Variants in ISG20 observed in about 807,000 individuals in gnomAD.
The protein encoded by ISG20 is interferon stimulated exonuclease gene 20.
Under a neutral mutation model 11.1 loss-of-function variants are expected in ISG20, and 8 were observed. That is an observed-to-expected ratio of 0.72 (90% confidence interval 0.42 to 1.30). ISG20 has a LOEUF of 1.30. Ranked by LOEUF, ISG20 falls within the 50% of genes most tolerant of loss-of-function variation. The probability of loss-of-function intolerance (pLI) is 0.01; values close to 1 mark genes in which losing one functional copy is unlikely to be tolerated. For missense variants in ISG20, 243 were observed against 250.2 expected, an observed-to-expected ratio of 0.97 and a Z score of 0.19; for synonymous variants, 110 against 101.7, an observed-to-expected ratio of 1.08 and a Z score of -0.49.
At position 88,652,325 on chromosome 15, in the gene ISG20, G is replaced by GTCCTTCTCC; in HGVS notation, c.429+20_429+28dup. The stretch of plus-strand genomic sequence containing the variant: ...AGAGCATCCAGGTGAGAACCTCCTC[G>GTCCTTCTCC]TCCTTCTCCTCCTCCCCCCTCCTCC... On this transcript the variant is annotated intron_variant, in intron 3 of 3. Coordinates refer to ENST00000306072, the MANE Select transcript of ISG20 (RefSeq NM_002201.6). 1 of 1,595,244 alleles carries GTCCTTCTCC rather than the reference G, an allele frequency of 6.3e-7. No individual in the cohort carries two copies.
intron 3 of ISG20, among the ~76,000 whole-genome samples, chr15:88,654,902 A>T (rs1158800462): frequency 6.6e-6 from 1 of 151,972 alleles, no homozygotes; most frequent in Non-Finnish European, 1.5e-5. Flanking sequence ...CCGTCCCCAC[A>T]CCACCTTTCA....
chr15:88,647,588 C>T lies in ISG20; in HGVS notation c.229-4522C>T, dbSNP rs570224409. On this transcript the variant is annotated intron_variant, in intron 2 of 3. Coordinates refer to ENST00000306072, the MANE Select transcript of ISG20 (RefSeq NM_002201.6). ...CAGGAGGGAATCCATGCACTGGAGA[C>T]TGGCGTCCAGAGAGGGGCAGTGATT... The T allele has an allele frequency of 2.0e-5, 3 of 152,360 alleles. No homozygotes were observed. The East Asian group carries it at 5.8e-4, about 29-fold the overall frequency. The allele number at this position is 152,360 out of a possible 1,614,324, so 9.4% of individuals were successfully genotyped here.
Position 88,650,124 on chromosome 15 carries a change from G to A in ISG20, c.229-1986G>A. 5 of 864,824 alleles carry A rather than the reference G, an allele frequency of 5.8e-6. No homozygotes were observed. Among genetic ancestry groups the A allele is most frequent in the Non-Finnish European group, 9.3e-6 (5 of 536,832 alleles). The allele number at this position is 864,824 out of a possible 1,614,324, so 53.6% of individuals were successfully genotyped here. ...CCTGGTGTACAGGCTAAGGTCGTGG[G>A]CTACATGCAGAGAAGGAGACGAAGG... On this transcript the variant is annotated intron_variant, in intron 2 of 3. Transcript: ENST00000306072. This position sits in a 1 kb window ranked among gnomAD's most constrained non-coding sequence, Gnocchi z 4.0.
intron 2 of ISG20, chr15:88,651,401 G>C (rs1430934522): frequency 1.6e-6 from 1 of 626,778 alleles, no homozygotes; most frequent in African/African-American, 2.0e-5. Context: ...GGTCTCACTG[G>C]TCTAAAATCA....
chr15:88,638,280 C>T (rs1433932479), upstream of ISG20, among the ~76,000 whole-genome samples: 3 of 152,218 alleles, frequency 2.0e-5, no homozygotes, highest in Non-Finnish European at 4.4e-5. Context: ...CCAGTTGTAA[C>T]TCATTTGACA....
chr15:88,653,393 C>T (rs1051780901), intron 3 of ISG20, among the ~76,000 whole-genome samples: 1 of 152,106 alleles, frequency 6.6e-6, no homozygotes, highest in East Asian at 1.9e-4. Context: ...TGAGTCAAAG[C>T]CTGAGGCTCG....
At chr15:88,655,393 C>T in intron 3 of ISG20, 22 bp from the exon 4 acceptor site, 1 of 1,605,962 alleles carries the variant, frequency 6.2e-7, no homozygotes. Flanking sequence ...CCCAAGTCCC[C>T]ACTCTATACT....
intron 2 of ISG20, among the ~76,000 whole-genome samples, chr15:88,646,623 CA>C (rs1283427718): frequency 6.6e-6 from 1 of 152,160 alleles, no homozygotes; most frequent in Non-Finnish European, 1.5e-5. Context: ...GTTTTAATCC[CA>C]AAGACAGATC....
In ISG20 at chr15:88,639,426, C is replaced by G. The variant is rs1484024218; in HGVS notation, c.60C>G (p.His20Gln). The change falls in exon 2 of 4, where the codon CAC becomes CAG. Residue 20 changes from histidine to glutamine, a missense_variant. By Grantham distance (24) the His-to-Gln change is conservative (BLOSUM62 0). Transcript: ENST00000306072. The surrounding 1 kb of genome is among the most constrained non-coding windows in gnomAD (Gnocchi z 4.2). ...MDCEMVGLGP[H>Q]RESGLARCSL... ...GCGAGATGGTGGGGCTGGGGCCCCA[C>G]CGGGAGAGTGGCCTGGCTCGTTGCA... The G allele has an allele frequency of 6.2e-7, 1 of 1,613,984 alleles. No individual in the cohort carries two copies. Among genetic ancestry groups the G allele is most frequent in the African/African-American group, 1.3e-5 (1 of 75,056 alleles).
intron 2 of ISG20, among the ~76,000 whole-genome samples, chr15:88,642,174 C>A (rs1367003016): frequency 6.6e-6 from 1 of 151,908 alleles, no homozygotes; most frequent in East Asian, 1.9e-4. Context: ...GGTGATCTGC[C>A]CTCCTTGGCC....
At chr15:88,640,372 T>C (rs2058059597) in intron 2 of ISG20, among the ~76,000 whole-genome samples, 1 of 152,140 alleles carries the variant, frequency 6.6e-6, no homozygotes, top group South Asian at 2.1e-4. Flanking sequence ...ATAGCTACTA[T>C]TGACTGAGCA....
chr15:88,637,367 C>G (rs1469666032), upstream of ISG20: 1 of 138,066 alleles, frequency 7.2e-6, no homozygotes, highest in Non-Finnish European at 1.5e-5. Flanking sequence ...ATCAGGAAAT[C>G]ACAAAATTTC....
At position 88,654,916 on chromosome 15, in the gene ISG20, A is replaced by C. The variant is rs185014541; in HGVS notation, c.430-499A>C. 3.3e-4 allele frequency among the ~76,000 whole-genome samples: 50 copies of C among 151,128 alleles called. No individual in the cohort carries two copies. In the East Asian group the frequency reaches 7.9e-3, roughly 24 times the overall value. The stretch of plus-strand genomic sequence containing the variant: ...TCCGTCCCCACACCACCTTTCACAC[A>C]CCCCCTGCCCCCACCCTCGCAGGCC... On this transcript the variant is annotated intron_variant, in intron 3 of 3. Coordinates refer to ENST00000306072, the MANE Select transcript of ISG20 (RefSeq NM_002201.6).
At chr15:88,651,647 C>G (rs117248768) in intron 2 of ISG20, 2 of 354,860 alleles carry the variant, frequency 5.6e-6, no homozygotes, top group Non-Finnish European at 8.1e-6. Flanking sequence ...ATTTGAAGGT[C>G]GACTGATTAG....
chr15:88,650,514 T>C lies in ISG20; in HGVS notation c.229-1596T>C. Reference sequence around the variant, plus strand: ...ACTGTCCCAGTTATCAAATGGTGCTTGGCAAATCACACCAAAACTTACCGG... The same window carrying C: ...ACTGTCCCAGTTATCAAATGGTGCTCGGCAAATCACACCAAAACTTACCGG... On this transcript the variant is annotated intron_variant, in intron 2 of 3. Transcript: ENST00000306072. The surrounding 1 kb of genome is among the most constrained non-coding windows in gnomAD (Gnocchi z 4.0). The C allele has an allele frequency of 7.4e-7, 1 of 1,356,674 alleles. No individual in the cohort carries two copies. The highest frequency in any genetic ancestry group is 1.5e-5 in the South Asian group (1 of 65,766). The allele number at this position is 1,356,674 out of a possible 1,614,324, so 84.0% of individuals were successfully genotyped here.
At chr15:88,642,725 TC>T (rs2058103235) in intron 2 of ISG20, among the ~76,000 whole-genome samples, 2 of 152,152 alleles carry the variant, frequency 1.3e-5, no homozygotes, top group African/African-American at 2.4e-5. Flanking sequence ...CAAGGGAGTC[TC>T]CCGCCTTGAC....
At chr15:88,647,677 C>A (rs938853293) in intron 2 of ISG20, 1 of 152,158 alleles carries the variant, frequency 6.6e-6, no homozygotes, top group African/African-American at 2.4e-5. Flanking sequence ...TCCCACCTGG[C>A]GAGTTAATGT....
rs758173388 is a variant in ISG20 at position 88,639,528 on chromosome 15, C to T, written c.162C>T (p.Thr54=). 2 of 1,614,160 alleles carry T rather than the reference C, an allele frequency of 1.2e-6. No individual in the cohort carries two copies. The highest frequency in any genetic ancestry group is 1.7e-6 in the Non-Finnish European group (2 of 1,180,028). The change falls in exon 2 of 4, where the codon ACC becomes ACT. Residue 54 remains threonine, a synonymous_variant. Transcript: ENST00000306072. The surrounding 1 kb of genome is among the most constrained non-coding windows in gnomAD (Gnocchi z 4.2). ...RPEGEITDYR[T]RVSGVTPQHM... ...AGGGAGAGATCACCGATTACAGAAC[C>T]CGGGTCAGCGGGGTCACCCCTCAGC...
chr15:88,643,873 G>A lies in ISG20; in HGVS notation c.228+4279G>A, dbSNP rs899894362. Among the ~76,000 whole-genome samples the A allele has an allele frequency of 1.1e-4, 16 of 152,098 alleles. No homozygotes were observed. Among genetic ancestry groups the A allele is most frequent in the Admixed American group, 4.6e-4 (7 of 15,258 alleles). ...TTGGAATATTTGCATTATACTTACTGGTTGAGCATCCCAAATTTGAAAATC... is the reference window on the plus strand; with the variant it reads ...TTGGAATATTTGCATTATACTTACTAGTTGAGCATCCCAAATTTGAAAATC... On this transcript the variant is annotated intron_variant, in intron 2 of 3. Transcript: ENST00000306072. The surrounding 1 kb of genome is among the most constrained non-coding windows in gnomAD (Gnocchi z 4.4).
Sources: allele counts gnomAD v4.1 joint callset (sites outside exome capture counted in the v4.1 genomes callset), GRCh38; gene constraint gnomAD v4.1.1; non-coding constraint Gnocchi (gnomAD v3.1); transcripts MANE v1.5; gene names NCBI Gene and HGNC (gene_info 2026-07-23, HGNC 2026-07-21).